The following ZNF519 variants were observed in gnomAD, a reference collection of about 807,000 sequenced individuals.
ZNF519 encodes the protein zinc finger protein 519.
In ZNF519, 7 loss-of-function variants were observed where a neutral mutation model predicts 7.4. That is an observed-to-expected ratio of 0.94 (90% confidence interval 0.54 to 1.77). The LOEUF is 1.77. Ranked by LOEUF, ZNF519 falls within the 40% of genes most tolerant of loss-of-function variation. The pLI is 0.00. For synonymous variants in ZNF519, 179 were observed against 203.3 expected (o/e 0.88, Z 1.02); for missense variants, 586 against 623.1 (o/e 0.94, Z 0.63).
chr18:14,104,962 G>C lies in ZNF519; in HGVS notation c.1578C>G (p.Asn526Lys), dbSNP rs537112888. The change falls in exon 3 of 3, where the codon AAC (asparagine) becomes AAG (lysine). Residue 526 changes from asparagine to lysine, a missense_variant. Coordinates refer to ENST00000590202, the MANE Select transcript of ZNF519 (RefSeq NM_145287.4). ...FKCKECGKAF[N>K]RRSTLTQHQI... is the part of the protein sequence containing the mutation. ...GATGTTGAGTAAGGGTTGAGCGTCT[G>C]TTAAAAGCTTTGCCACATTCTTTAC... The C allele has an allele frequency of 6.3e-7, 1 of 1,589,934 alleles. No homozygotes were observed. Among genetic ancestry groups the C allele is most frequent in the Admixed American group, 1.8e-5 (1 of 56,312 alleles).
intron 2 of ZNF519, among the ~76,000 whole-genome samples, chr18:14,117,085 AC>A (rs1013805660): frequency 1.6e-4 from 25 of 152,308 alleles, no homozygotes; most frequent in African/African-American, 5.8e-4. Flanking sequence ...AACATCAAAT[AC>A]ATGAGCAACA....
intron 1 of ZNF519, among the ~76,000 whole-genome samples, chr18:14,129,701 G>A (rs1199125200): frequency 1.3e-5 from 2 of 152,140 alleles, no homozygotes; most frequent in East Asian, 1.9e-4. Context: ...CCCAGAGTCA[G>A]CATAGATCCC....
At chr18:14,132,168 G>A in intron 1 of ZNF519, 107 bp downstream of exon 1, 1 of 1,340,776 alleles carries the variant, frequency 7.5e-7, no homozygotes, top group Non-Finnish European at 1.1e-6. Flanking sequence ...GGGACTGAGG[G>A]CTGAGCTGCA....
rs1398683024 is a variant in ZNF519 at position 14,104,245 on chromosome 18, A to G, written c.*672T>C. 1 of 152,202 alleles carries G rather than the reference A, an allele frequency of 6.6e-6. No homozygotes were observed. The highest frequency in any genetic ancestry group is 1.5e-5 in the Non-Finnish European group (1 of 68,016). The allele number at this position is 152,202 out of a possible 1,614,324, so 9.4% of individuals were successfully genotyped here. Reference sequence around the variant, plus strand: ...ATGGGTAGTTGGTAAAACTATTCATATCTAAAACTCAGAGTGTTTCTGTCT... The same window carrying G: ...ATGGGTAGTTGGTAAAACTATTCATGTCTAAAACTCAGAGTGTTTCTGTCT... On this transcript the variant is annotated 3_prime_UTR_variant, in exon 3 of 3. Coordinates refer to ENST00000590202, the MANE Select transcript of ZNF519 (RefSeq NM_145287.4).
intron 3 of ZNF519, among the ~76,000 whole-genome samples, chr18:14,078,528 C>T (rs2046057623): frequency 6.6e-6 from 1 of 152,022 alleles, no homozygotes; most frequent in Non-Finnish European, 1.5e-5. Flanking sequence ...TAAACAAATG[C>T]TAACTAAATT....
chr18:14,091,266 G>T (rs1034571432), intron 2 of ZNF519, among the ~76,000 whole-genome samples: 5 of 152,086 alleles, frequency 3.3e-5, no homozygotes, highest in African/African-American at 9.7e-5. Flanking sequence ...TGTAGGAAAA[G>T]ACTTTTTAAA....
intron 2 of ZNF519, among the ~76,000 whole-genome samples, chr18:14,121,642 T>C (rs1273245962): frequency 6.6e-6 from 1 of 152,122 alleles, no homozygotes; most frequent in African/African-American, 2.4e-5. Flanking sequence ...TATGGTAAAA[T>C]TCATTTTCTT....
downstream of ZNF519, among the ~76,000 whole-genome samples, chr18:14,097,598 G>A (rs190552771): frequency 6.6e-5 from 10 of 152,292 alleles, no homozygotes. Context: ...GTGGAATAAG[G>A]CAGTTGATGC....
chr18:14,104,711 AAC>A lies in ZNF519; in HGVS notation c.*204_*205del, dbSNP rs1336640321. ...TGAGTTTGAATTATTTGTTATAATA[AAC>A]ACACTGATTCAGAGTAATTTACGGA... On this transcript the variant is annotated 3_prime_UTR_variant, in exon 3 of 3. Transcript: ENST00000590202. 3.6e-5 allele frequency: 16 copies of A among 449,272 alleles called. No individual in the cohort carries two copies. The Middle Eastern group carries it at 1.6e-3, about 46-fold the overall frequency. 27.8% of individuals were successfully genotyped at this position (449,272 alleles called of 1,614,324 possible).
intron 2 of ZNF519, among the ~76,000 whole-genome samples, chr18:14,114,246 T>G (rs912930146): frequency 6.6e-6 from 1 of 152,176 alleles, no homozygotes; most frequent in Non-Finnish European, 1.5e-5. Context: ...CTACAATGTT[T>G]TCTTAATAGT....
chr18:14,118,762 G>A (rs981965647), intron 2 of ZNF519, among the ~76,000 whole-genome samples: 2 of 152,166 alleles, frequency 1.3e-5, no homozygotes, highest in Non-Finnish European at 2.9e-5. Context: ...TATCAAGAGA[G>A]ATGCAGGAAG....
At chr18:14,081,155 T>C (rs1022003820) in intron 3 of ZNF519, among the ~76,000 whole-genome samples, 1 of 152,212 alleles carries the variant, frequency 6.6e-6, no homozygotes, top group Non-Finnish European at 1.5e-5. Flanking sequence ...ATGCAAACTA[T>C]TGACTTTGGG....
intron 3 of ZNF519, among the ~76,000 whole-genome samples, chr18:14,081,057 C>T (rs1387354648): frequency 6.6e-6 from 1 of 152,120 alleles, no homozygotes; most frequent in African/African-American, 2.4e-5. Context: ...GGCACTGAAA[C>T]TATTTTGTTT....
At chr18:14,087,522 T>C (rs2046096499) in intron 2 of ZNF519, among the ~76,000 whole-genome samples, 1 of 152,200 alleles carries the variant, frequency 6.6e-6, no homozygotes, top group Non-Finnish European at 1.5e-5. Flanking sequence ...CCACTGTTTA[T>C]GGGACTTGGG....
At chr18:14,113,055 C>A (rs906854196) in intron 2 of ZNF519, among the ~76,000 whole-genome samples, 1 of 152,164 alleles carries the variant, frequency 6.6e-6, no homozygotes, top group Non-Finnish European at 1.5e-5. Context: ...ACAACAGGAT[C>A]TTATTATTTA....
chr18:14,130,609 G>A (rs2046324655), intron 1 of ZNF519, among the ~76,000 whole-genome samples: 1 of 151,804 alleles, frequency 6.6e-6, no homozygotes, highest in Non-Finnish European at 1.5e-5. Flanking sequence ...CCTCACTGAA[G>A]TGCTCAATGC....
downstream of ZNF519, among the ~76,000 whole-genome samples, chr18:14,099,748 G>A (rs1225652948): frequency 6.6e-6 from 1 of 152,126 alleles, no homozygotes; most frequent in African/African-American, 2.4e-5. Flanking sequence ...CACCTTGTGT[G>A]CAAAAAGGTC....
intron 2 of ZNF519, among the ~76,000 whole-genome samples, chr18:14,091,295 G>A (rs1024708680): frequency 1.3e-5 from 2 of 152,028 alleles, no homozygotes; most frequent in African/African-American, 4.8e-5. Context: ...CTTGGATTGG[G>A]GAATTCCACA....
Position 14,132,394 on chromosome 18 carries a change from G to A in ZNF519, c.-117C>T, listed in dbSNP as rs1386136134. On this transcript the variant is annotated 5_prime_UTR_variant, in exon 1 of 3. Coordinates refer to ENST00000590202, the MANE Select transcript of ZNF519 (RefSeq NM_145287.4). Reference sequence around the variant, plus strand: ...AAGTCTCCCGGAGCAGAGGACACAAGGCAATGAAGCCCTAACCCCGCGCTC... The same window carrying A: ...AAGTCTCCCGGAGCAGAGGACACAAAGCAATGAAGCCCTAACCCCGCGCTC... 11 of 1,331,666 alleles carry A rather than the reference G, an allele frequency of 8.3e-6. No individual in the cohort carries two copies. The Admixed American group carries it at 1.6e-4, about 20-fold the overall frequency. The allele number at this position is 1,331,666 out of a possible 1,614,324, so 82.5% of individuals were successfully genotyped here. A position where few individuals can be genotyped will look rare whatever the true frequency, so the allele number is the denominator to read the frequency against.
Sources: gnomAD v4.1 joint callset for allele counts (sites outside exome capture counted in the v4.1 genomes callset) on GRCh38, gnomAD v4.1.1 for gene constraint, MANE v1.5 for transcripts, NCBI Gene and HGNC (gene_info 2026-07-23, HGNC 2026-07-21) for gene names.